Variants in XKR9 observed in about 807,000 individuals in gnomAD.
XKR9 encodes the protein XK-related protein 9.
XKR9 carries 32 observed loss-of-function variants against 32.0 expected under a neutral mutation model. That is an observed-to-expected ratio of 1.00 (90% confidence interval 0.76 to 1.34). XKR9 has a LOEUF of 1.34. Ranked by LOEUF, XKR9 falls within the 40% of genes most tolerant of loss-of-function variation. The pLI, the probability that XKR9 is intolerant of heterozygous loss-of-function variation, is 0.00. For missense variants in XKR9, 546 were observed against 429.7 expected (o/e 1.27, Z -2.39); for synonymous variants, 168 against 143.4 (o/e 1.17, Z -1.22).
At chr8:70,815,995 T>C in the XKR9 span, among the ~76,000 whole-genome samples, 1 of 152,086 alleles carries the variant, frequency 6.6e-6, no homozygotes, top group African/African-American at 2.4e-5. Context: ...TTATATTTCT[T>C]TGGGTATATA....
the XKR9 span, among the ~76,000 whole-genome samples, chr8:70,869,940 A>G: frequency 6.6e-6 from 1 of 152,144 alleles, no homozygotes; most frequent in African/African-American, 2.4e-5. Flanking sequence ...ACTGAGCCCA[A>G]TTCTCATATC....
the XKR9 span, among the ~76,000 whole-genome samples, chr8:70,795,694 A>G: frequency 4.6e-5 from 7 of 152,014 alleles, no homozygotes; most frequent in Non-Finnish European, 8.8e-5. Context: ...GTGAAGTGCT[A>G]TCTCACTGTG....
chr8:70,676,694 C>T (rs1050446165), intron 2 of XKR9, among the ~76,000 whole-genome samples: 2 of 152,012 alleles, frequency 1.3e-5, no homozygotes, highest in African/African-American at 4.8e-5. Context: ...TTATTCTTTC[C>T]ATCTTGTAAA....
the XKR9 span, among the ~76,000 whole-genome samples, chr8:71,057,037 A>G: frequency 5.9e-5 from 9 of 152,274 alleles, no homozygotes; most frequent in Middle Eastern, 3.4e-3. Context: ...TGGCCATGAA[A>G]GATCCTCTAG....
the XKR9 span, among the ~76,000 whole-genome samples, chr8:71,049,581 G>A: frequency 6.6e-6 from 1 of 152,166 alleles, no homozygotes; most frequent in African/African-American, 2.4e-5. Context: ...TGTCATCAGA[G>A]CTCTGTTAAC....
intron 2 of XKR9, among the ~76,000 whole-genome samples, chr8:70,773,417 A>T (rs1404236338): frequency 2.0e-5 from 3 of 152,176 alleles, no homozygotes; most frequent in Non-Finnish European, 4.4e-5. Flanking sequence ...AGAGCAACAC[A>T]ACTTTTTTAC....
At chr8:70,995,687 A>AC in the XKR9 span, among the ~76,000 whole-genome samples, 6 of 151,664 alleles carry the variant, frequency 4.0e-5, no homozygotes, top group African/African-American at 1.5e-4. Context: ...GACAATTAAA[A>AC]TTTTTTTTTC....
chr8:70,986,181 A>T, the XKR9 span, among the ~76,000 whole-genome samples: 1 of 152,234 alleles, frequency 6.6e-6, no homozygotes, highest in Non-Finnish European at 1.5e-5. Context: ...AGTTAAAATG[A>T]AATACAGATT....
At chr8:70,968,565 T>G in the XKR9 span, among the ~76,000 whole-genome samples, 1 of 103,210 alleles carries the variant, frequency 9.7e-6, no homozygotes, top group Non-Finnish European at 2.3e-5. Context: ...TTTCTCATCT[T>G]TGTGGGCTTT....
At chr8:70,691,112 C>T (rs190442555) in intron 3 of XKR9, among the ~76,000 whole-genome samples, 56 of 152,216 alleles carry the variant, frequency 3.7e-4, no homozygotes, top group Non-Finnish European at 6.3e-4. Context: ...TTCTGACTGG[C>T]GTGAGATGGT....
At chr8:70,842,713 A>T in the XKR9 span, among the ~76,000 whole-genome samples, 1 of 152,226 alleles carries the variant, frequency 6.6e-6, no homozygotes, top group Non-Finnish European at 1.5e-5. Flanking sequence ...TGACCATGTC[A>T]GGCTGTCCCT....
chr8:70,799,371 C>T, the XKR9 span, among the ~76,000 whole-genome samples: 17,492 of 152,140 alleles, frequency 0.11, 1,183 homozygotes, highest in African/African-American at 0.19. Flanking sequence ...CACTCTGTAG[C>T]CCAAGCTGGA....
the XKR9 span, among the ~76,000 whole-genome samples, chr8:70,898,064 A>G: frequency 6.6e-6 from 1 of 152,186 alleles, no homozygotes; most frequent in African/African-American, 2.4e-5. Flanking sequence ...TTAAGTCTGT[A>G]ATCCATTTTG....
At chr8:70,716,183 ATAAT>A (rs1806082019) in intron 4 of XKR9, among the ~76,000 whole-genome samples, 1 of 152,164 alleles carries the variant, frequency 6.6e-6, no homozygotes, top group African/African-American at 2.4e-5. Flanking sequence ...TTGCTAAGAA[ATAAT>A]TAGAGGGTTA....
intron 2 of XKR9, among the ~76,000 whole-genome samples, chr8:70,768,776 T>G (rs1259246493): frequency 6.6e-6 from 1 of 151,872 alleles, no homozygotes; most frequent in African/African-American, 2.4e-5. Context: ...TGATTTACAT[T>G]TGCTTGGTAA....
At chr8:70,683,595 C>G (rs1819158935) in intron 3 of XKR9, 1 of 445,848 alleles carries the variant, frequency 2.2e-6, no homozygotes, top group Admixed American at 2.4e-5. Context: ...TCAAGAGATT[C>G]TCCTGCATCA....
the XKR9 span, among the ~76,000 whole-genome samples, chr8:70,797,834 T>TACATCATC: frequency 1.3e-5 from 2 of 152,322 alleles, no homozygotes; most frequent in East Asian, 3.9e-4. Context: ...ATTAGTTTGC[T>TACATCATC]TAGGACAATG....
At chr8:70,739,523 G>T (rs575859960), downstream of XKR9, among the ~76,000 whole-genome samples, 344 of 152,208 alleles carry the variant, frequency 2.3e-3, 1 homozygote, top group African/African-American at 7.3e-3. Context: ...ATGTTAGCTG[G>T]TTATTTTGCT....
chr8:70,944,886 G>A, the XKR9 span, among the ~76,000 whole-genome samples: 1 of 152,182 alleles, frequency 6.6e-6, no homozygotes, highest in African/African-American at 2.4e-5. Flanking sequence ...CTACAGTTGA[G>A]CTTGTCTTGT....
Sources: gnomAD v4.1 joint callset for allele counts (sites outside exome capture counted in the v4.1 genomes callset) on GRCh38, gnomAD v4.1.1 for gene constraint, MANE v1.5 for transcripts, NCBI Gene and HGNC (gene_info 2026-07-23, HGNC 2026-07-21) for gene names.